The following DRC11 variants were observed in gnomAD, a reference collection of about 807,000 sequenced individuals.
The protein encoded by DRC11 is dynein regulatory complex subunit 11, also known as IQ and AAA domain-containing protein 1.
chr2:236,370,345 TC>T, the DRC11 span, among the ~76,000 whole-genome samples: 182 of 152,228 alleles, frequency 1.2e-3, 1 homozygote, highest in Non-Finnish European at 2.1e-3. This position sits in a 1 kb window ranked among gnomAD's most constrained non-coding sequence, Gnocchi z 5.5. Flanking sequence ...AATTACCTCA[TC>T]CCATAGTAGT....
At chr2:236,377,581 T>C in the DRC11 span, among the ~76,000 whole-genome samples, 1 of 152,344 alleles carries the variant, frequency 6.6e-6, no homozygotes, top group South Asian at 2.1e-4. The surrounding 1 kb of genome is among the most constrained non-coding windows in gnomAD (Gnocchi z 4.9). Context: ...AGTACATCAT[T>C]AATCCTTTGT....
chr2:236,391,964 T>A, the DRC11 span: 1 of 1,611,596 alleles, frequency 6.2e-7, no homozygotes, highest in Admixed American at 1.7e-5. This position sits in a 1 kb window ranked among gnomAD's most constrained non-coding sequence, Gnocchi z 4.5. Context: ...TGCAGGCTCC[T>A]TCCCCACTCA....
At chr2:236,341,292 C>T in the DRC11 span, among the ~76,000 whole-genome samples, 3 of 152,182 alleles carry the variant, frequency 2.0e-5, no homozygotes, top group African/African-American at 4.8e-5. Context: ...CATTCTTTAC[C>T]GCCTTCACCT....
chr2:236,347,496 A>G, the DRC11 span, among the ~76,000 whole-genome samples: 3 of 147,386 alleles, frequency 2.0e-5, no homozygotes, highest in Admixed American at 6.8e-5. Context: ...ACGAGTGGAT[A>G]AAAAAACTGT....
the DRC11 span, among the ~76,000 whole-genome samples, chr2:236,357,239 TC>T: frequency 1.9e-5 from 2 of 107,908 alleles, no homozygotes; most frequent in African/African-American, 1.0e-4. Context: ...AAATGTATAT[TC>T]ATATAGTATA....
At chr2:236,491,484 G>A in the DRC11 span, among the ~76,000 whole-genome samples, 1 of 151,764 alleles carries the variant, frequency 6.6e-6, no homozygotes, top group Non-Finnish European at 1.5e-5. Context: ...TGCTCTGACT[G>A]AGAACAAATG....
the DRC11 span, among the ~76,000 whole-genome samples, chr2:236,364,240 T>C: frequency 6.6e-6 from 1 of 151,488 alleles, no homozygotes; most frequent in East Asian, 1.9e-4. Flanking sequence ...TCCACATCAG[T>C]ATTTCCCCTG....
the DRC11 span, among the ~76,000 whole-genome samples, chr2:236,480,428 C>A: frequency 6.6e-6 from 1 of 151,880 alleles, no homozygotes; most frequent in Non-Finnish European, 1.5e-5. Flanking sequence ...CCTTTTCATT[C>A]TTTTTTTTCC....
At chr2:236,486,944 A>T in the DRC11 span, 1 of 1,440,002 alleles carries the variant, frequency 6.9e-7, no homozygotes, top group East Asian at 2.4e-5. The surrounding 1 kb of genome is among the most constrained non-coding windows in gnomAD (Gnocchi z 5.7). Context: ...ATACAAATAT[A>T]AAGAAAACAT....
At chr2:236,470,945 A>G in the DRC11 span, among the ~76,000 whole-genome samples, 21 of 152,232 alleles carry the variant, frequency 1.4e-4, no homozygotes, top group Non-Finnish European at 2.6e-4. This position sits in a 1 kb window ranked among gnomAD's most constrained non-coding sequence, Gnocchi z 5.1. Context: ...AGTTGTGCTT[A>G]TAATTAAATA....
chr2:236,402,234 CT>C, the DRC11 span, among the ~76,000 whole-genome samples: 1 of 152,340 alleles, frequency 6.6e-6, no homozygotes, highest in East Asian at 1.9e-4. This position sits in a 1 kb window ranked among gnomAD's most constrained non-coding sequence, Gnocchi z 6.0. Flanking sequence ...AAGTCACCTC[CT>C]GGCTCAAGTG....
the DRC11 span, among the ~76,000 whole-genome samples, chr2:236,400,749 C>G: frequency 1.3e-5 from 2 of 152,186 alleles, no homozygotes; most frequent in African/African-American, 4.8e-5. The surrounding 1 kb of genome is among the most constrained non-coding windows in gnomAD (Gnocchi z 7.9). Context: ...CGTTTCTGGG[C>G]TCCAGGGTTG....
the DRC11 span, chr2:236,380,448 C>A: frequency 1.3e-6 from 1 of 755,442 alleles, no homozygotes; most frequent in Non-Finnish European, 2.2e-6. The surrounding 1 kb of genome is among the most constrained non-coding windows in gnomAD (Gnocchi z 4.9). Flanking sequence ...TGGCTCCCAC[C>A]ACTCCGGGAC....
At chr2:236,441,001 T>A in the DRC11 span, 29 of 1,202,024 alleles carry the variant, frequency 2.4e-5, no homozygotes, top group Non-Finnish European at 3.2e-5. Flanking sequence ...GAAATGTCAT[T>A]TGATATATTT....
the DRC11 span, among the ~76,000 whole-genome samples, chr2:236,490,802 C>T: frequency 6.6e-6 from 1 of 150,974 alleles, no homozygotes; most frequent in African/African-American, 2.4e-5. The surrounding 1 kb of genome is among the most constrained non-coding windows in gnomAD (Gnocchi z 5.5). Context: ...TGTGTGTCTG[C>T]ATGCGTGTGT....
the DRC11 span, among the ~76,000 whole-genome samples, chr2:236,472,836 C>T: frequency 3.3e-5 from 5 of 152,164 alleles, no homozygotes; most frequent in African/African-American, 1.2e-4. The surrounding 1 kb of genome is among the most constrained non-coding windows in gnomAD (Gnocchi z 4.6). Context: ...GGCTTTGAGC[C>T]TAGCTCTGTC....
chr2:236,309,177 G>C, the DRC11 span, among the ~76,000 whole-genome samples: 3 of 152,134 alleles, frequency 2.0e-5, no homozygotes, highest in Non-Finnish European at 4.4e-5. The surrounding 1 kb of genome is among the most constrained non-coding windows in gnomAD (Gnocchi z 5.7). Flanking sequence ...ACTCCCTCGC[G>C]GCGGCTCCCT....
the DRC11 span, chr2:236,399,300 A>T: frequency 1.1e-6 from 1 of 917,516 alleles, no homozygotes. The surrounding 1 kb of genome is among the most constrained non-coding windows in gnomAD (Gnocchi z 7.0). Context: ...AGGAAATTTA[A>T]AATAGAGACA....
chr2:236,494,882 T>C, the DRC11 span, among the ~76,000 whole-genome samples: 522 of 152,218 alleles, frequency 3.4e-3, 5 homozygotes, highest in African/African-American at 0.012. This position sits in a 1 kb window ranked among gnomAD's most constrained non-coding sequence, Gnocchi z 4.2. Flanking sequence ...CAGAGTCTAG[T>C]GGGTGGGTGT....
Sources: allele counts gnomAD v4.1 joint callset (sites outside exome capture counted in the v4.1 genomes callset), GRCh38; gene constraint gnomAD v4.1.1; non-coding constraint Gnocchi (gnomAD v3.1); transcripts MANE v1.5; gene names NCBI Gene and HGNC (gene_info 2026-07-23, HGNC 2026-07-21).